The following TMEM255A variants were observed in gnomAD, a reference collection of about 807,000 sequenced individuals.
TMEM255A encodes family with sequence similarity 70, member A.
A neutral mutation model predicts 23.5 loss-of-function variants in TMEM255A; 14 were observed. The ratio of observed to expected loss-of-function variants is 0.60; its 90% CI spans 0.39 to 0.93. TMEM255A has a LOEUF of 0.93. Among genes scored for constraint, TMEM255A ranks in the 40% least tolerant of loss-of-function variants. The pLI, the probability that TMEM255A is intolerant of heterozygous loss-of-function variation, is 0.00. For synonymous variants in TMEM255A, 104 were observed against 100.3 expected, an observed-to-expected ratio of 1.04 and a Z score of -0.22; for missense variants, 233 against 261.7, an observed-to-expected ratio of 0.89 and a Z score of 0.76.
intron 1 of TMEM255A, among the ~76,000 whole-genome samples, chrX:120,309,492 C>T (rs959198485): frequency 3.5e-5 from 4 of 113,060 alleles, no homozygotes; most frequent in African/African-American, 9.6e-5. Flanking sequence ...GGGCCCGGGG[C>T]GCTGTGGCTT....
chrX:120,266,214 G>A (rs781845493), intron 8 of TMEM255A, among the ~76,000 whole-genome samples: 1 of 109,276 alleles, frequency 9.2e-6, no homozygotes, highest in East Asian at 2.9e-4. Flanking sequence ...CAAGCCCATA[G>A]TATAGGTTTG....
At chrX:120,261,074 T>C in intron 8 of TMEM255A, 46 bp from the exon 9 acceptor site, 2 of 1,161,925 alleles carry the variant, frequency 1.7e-6, no homozygotes, top group African/African-American at 3.7e-5. Flanking sequence ...GAGTTTGCAA[T>C]TCCCTGAACA....
intron 1 of TMEM255A, among the ~76,000 whole-genome samples, chrX:120,310,581 A>G (rs1275353397): frequency 4.5e-5 from 5 of 111,390 alleles, no homozygotes; most frequent in African/African-American, 1.6e-4. Flanking sequence ...GTGCATTTGG[A>G]GCAGAGTAAC....
At chrX:120,307,970 TC>T (rs1442747852) in intron 1 of TMEM255A, among the ~76,000 whole-genome samples, 1 of 111,452 alleles carries the variant, frequency 9.0e-6, no homozygotes, top group African/African-American at 3.3e-5. Context: ...TCTCCACCCT[TC>T]CAAAAACAAC....
chrX:120,272,420 C>T (rs982456276), intron 7 of TMEM255A, among the ~76,000 whole-genome samples: 1 of 111,255 alleles, frequency 9.0e-6, no homozygotes, highest in Non-Finnish European at 1.9e-5. Flanking sequence ...GATTTGTGTC[C>T]CCACCCAAGT....
chrX:120,307,327 A>G (rs1394745779), intron 1 of TMEM255A, among the ~76,000 whole-genome samples: 2 of 111,907 alleles, frequency 1.8e-5, no homozygotes, highest in Non-Finnish European at 3.8e-5. Flanking sequence ...GTTTTATTTT[A>G]GAAGGGAGAA....
At chrX:120,301,906 A>G (rs1336368663) in intron 2 of TMEM255A, among the ~76,000 whole-genome samples, 1 of 111,939 alleles carries the variant, frequency 8.9e-6, no homozygotes. Context: ...TCGTAATTGT[A>G]TTTGTTACAA....
intron 5 of TMEM255A, chrX:120,285,572 G>C: frequency 8.3e-7 from 1 of 1,201,644 alleles, no homozygotes. Context: ...AAGAAGATAA[G>C]GTGGGAAGGA....
chrX:120,300,386 T>A (rs1456462845), intron 2 of TMEM255A, among the ~76,000 whole-genome samples: 4 of 110,386 alleles, frequency 3.6e-5, no homozygotes, highest in Non-Finnish European at 7.6e-5. Context: ...TGTTTCTGTT[T>A]TGTTTTGTTT....
At chrX:120,294,125 A>G in intron 2 of TMEM255A, 74 bp from the exon 3 acceptor site, 2 of 840,378 alleles carry the variant, frequency 2.4e-6, no homozygotes, top group African/African-American at 2.0e-5. Flanking sequence ...CAGCCCCTTC[A>G]TATGATTCAG....
chrX:120,311,422 C>A lies in TMEM255A; in HGVS notation c.-113G>T. On this transcript the variant is annotated 5_prime_UTR_variant, in exon 1 of 9. Coordinates refer to ENST00000371369, the MANE Select transcript of TMEM255A (RefSeq NM_001104544.3). ...TTGCCTCTCTCGGTCCTTCCGAGAG[C>A]TGAGAGACACTGCCTCTGGTTGCGA... The A allele has an allele frequency of 1.7e-6, 1 of 586,067 alleles. No homozygotes were observed. Among genetic ancestry groups the A allele is most frequent in the Non-Finnish European group, 2.9e-6 (1 of 349,138 alleles). The allele number at this position is 586,067 out of a possible 1,213,427, so 48.3% of individuals were successfully genotyped here.
At chrX:120,270,729 T>C (rs2057753161) in intron 7 of TMEM255A, among the ~76,000 whole-genome samples, 1 of 110,819 alleles carries the variant, frequency 9.0e-6, no homozygotes, top group Non-Finnish European at 1.9e-5. Flanking sequence ...CTGATTCCAT[T>C]GAAGACTGCC....
chrX:120,295,759 A>G lies in TMEM255A; in HGVS notation c.202-1708T>C, dbSNP rs1407620629. 1.8e-5 allele frequency among the ~76,000 whole-genome samples: 2 copies of G among 112,319 alleles called. 1 individual carries two copies. Among genetic ancestry groups the G allele is most frequent in the Non-Finnish European group, 3.8e-5 (2 of 53,271 alleles). On this transcript the variant is annotated intron_variant, in intron 2 of 8. Transcript: ENST00000371369. The stretch of plus-strand genomic sequence containing the variant: ...TTCTTATATTGTAAAAATAGGAACC[A>G]CAGTAGTGACTACCTTATAGGGCTT...
chrX:120,273,950 T>C (rs782143306), intron 7 of TMEM255A, among the ~76,000 whole-genome samples: 9 of 112,096 alleles, frequency 8.0e-5, no homozygotes, highest in African/African-American at 2.9e-4. Flanking sequence ...CAAGTACTTG[T>C]AAGTGATTGT....
At chrX:120,251,879 A>G in the TMEM255A span, among the ~76,000 whole-genome samples, 1 of 112,311 alleles carries the variant, frequency 8.9e-6, no homozygotes, top group African/African-American at 3.2e-5. Context: ...ACGCATTCCC[A>G]TATTGGAAGA....
chrX:120,275,116 A>G (rs1442429354), intron 7 of TMEM255A, among the ~76,000 whole-genome samples: 1 of 112,195 alleles, frequency 8.9e-6, no homozygotes, highest in Admixed American at 9.4e-5. Context: ...CAACCCAGAA[A>G]CAGCTTTTTT....
chrX:120,285,137 T>G lies in TMEM255A; in HGVS notation c.502A>C (p.Asn168His). 1.7e-6 allele frequency: 2 copies of G among 1,209,668 alleles called. No individual in the cohort carries two copies. The highest frequency in any genetic ancestry group is 2.2e-6 in the Non-Finnish European group (2 of 893,808). ...GGCCTCAACACTTACTTGCCACAGT[T>G]GTAGAGGTCACAGCAGAAGCAGGTG... ...GNTCFCCDLY[N>H]CGNRVEITGG... The change falls in exon 6 of 9, where the codon AAC becomes CAC. Residue 168 changes from asparagine to histidine, a missense_variant. Transcript: ENST00000371369.
chrX:120,254,882 T>C, downstream of TMEM255A: 4 of 1,211,735 alleles, frequency 3.3e-6, no homozygotes, highest in Non-Finnish European at 4.5e-6. Context: ...TAATAGTAGA[T>C]GGAAGGGTCT....
Position 120,300,588 on chromosome X carries a change from C to G in TMEM255A, c.201+3761G>C, listed in dbSNP as rs1233742582. Reference sequence around the variant, plus strand: ...TTTTTTTTTTTTTGTAGAGATGGGGCTTTGTCATGTTGTCTAGGCTGGTCT... The same window carrying G: ...TTTTTTTTTTTTTGTAGAGATGGGGGTTTGTCATGTTGTCTAGGCTGGTCT... On this transcript the variant is annotated intron_variant, in intron 2 of 8. Coordinates refer to ENST00000371369, the MANE Select transcript of TMEM255A (RefSeq NM_001104544.3). Among the ~76,000 whole-genome samples the G allele has an allele frequency of 3.0e-4, 22 of 73,827 alleles. No homozygotes were observed. The Admixed American group carries it at 3.5e-3, about 12-fold the overall frequency. 64.1% of individuals were successfully genotyped at this position (73,827 alleles called of 115,157 possible).
Sources: allele counts gnomAD v4.1 joint callset (sites outside exome capture counted in the v4.1 genomes callset), GRCh38; gene constraint gnomAD v4.1.1; transcripts MANE v1.5; gene names NCBI Gene and HGNC (gene_info 2026-07-23, HGNC 2026-07-21).